Variants in COL13A1 observed in about 807,000 individuals in gnomAD.
The protein encoded by COL13A1 is collagen alpha-1(XIII) chain.
COL13A1 carries 89 observed loss-of-function variants against 130.9 expected under a neutral mutation model. The observed-to-expected ratio is 0.68, with a 90% CI of 0.57 to 0.81. The LOEUF (loss-of-function observed/expected upper bound fraction) is 0.81, where lower values mean the gene tolerates loss of function less well. Ranked by LOEUF, COL13A1 falls within the 30% of genes least tolerant of loss-of-function variation. COL13A1 has a pLI of 0.00. For missense variants in COL13A1, 879 were observed against 934.6 expected (o/e 0.94, Z 0.78); for synonymous variants, 402 against 341.6 (o/e 1.18, Z -1.95).
chr10:69,945,483 G>A (rs542214671), intron 36 of COL13A1, among the ~76,000 whole-genome samples, 188 bp from the exon 37 acceptor site: 2 of 152,162 alleles, frequency 1.3e-5, no homozygotes, highest in South Asian at 2.1e-4. Flanking sequence ...AGTGAGGGGG[G>A]CTTCTGAGCC....
chr10:69,917,013 G>A (rs752038000), intron 17 of COL13A1, among the ~76,000 whole-genome samples: 2 of 152,134 alleles, frequency 1.3e-5, no homozygotes, highest in Non-Finnish European at 2.9e-5. Context: ...TAGATCTTGG[G>A]CCAGTCACTT....
intron 24 of COL13A1, 137 bp downstream of exon 24, chr10:69,923,992 G>T: frequency 8.0e-7 from 1 of 1,243,812 alleles, no homozygotes; most frequent in Non-Finnish European, 1.1e-6. Context: ...CTAATTCCTG[G>T]TTGGCTTGGG....
Position 69,875,075 on chromosome 10 carries a change from A to C in COL13A1, c.400-53A>C. 4.3e-6 allele frequency: 7 copies of C among 1,613,298 alleles called. No homozygotes were observed. In the South Asian group the frequency reaches 6.6e-5, roughly 15 times the overall value. On this transcript the variant is annotated intron_variant, in intron 4 of 40. Transcript: ENST00000645393. ...ACAGTTTGCCTATAGGGTCCTTCAC[A>C]TGCTAGCCTGGTTCCAACCACATCT...
intron 6 of COL13A1, among the ~76,000 whole-genome samples, chr10:69,878,448 C>T (rs3858157): frequency 0.015 from 2,355 of 152,226 alleles, 53 homozygotes; most frequent in African/African-American, 0.053. Context: ...GGAACATCAG[C>T]CCTGGGGGGT....
intron 5 of COL13A1, among the ~76,000 whole-genome samples, chr10:69,876,029 G>T (rs2059535642): frequency 6.6e-6 from 1 of 152,226 alleles, no homozygotes; most frequent in South Asian, 2.1e-4. Context: ...GTGTGAATTT[G>T]CTTGCCTGGT....
chr10:69,872,902 A>G (rs1248862126), intron 4 of COL13A1, among the ~76,000 whole-genome samples: 1 of 152,208 alleles, frequency 6.6e-6, no homozygotes, highest in Non-Finnish European at 1.5e-5. Context: ...GGCCCGTATC[A>G]TCACACACCA....
intron 2 of COL13A1, among the ~76,000 whole-genome samples, chr10:69,828,500 T>C (rs1273108132): frequency 6.6e-6 from 1 of 152,220 alleles, no homozygotes; most frequent in Non-Finnish European, 1.5e-5. Context: ...TTTGTCTCTC[T>C]AGCCTGATCT....
chr10:69,917,716 CA>C (rs2064103532), intron 18 of COL13A1, among the ~76,000 whole-genome samples: 2 of 121,492 alleles, frequency 1.6e-5, no homozygotes, highest in South Asian at 5.2e-4. Context: ...TCAGCTTTCA[CA>C]AAGCTGATAT....
intron 2 of COL13A1, among the ~76,000 whole-genome samples, chr10:69,835,412 C>T (rs1366200596): frequency 6.6e-6 from 1 of 152,120 alleles, no homozygotes; most frequent in Non-Finnish European, 1.5e-5. Flanking sequence ...TGCCCACTCC[C>T]TCGATGACTA....
In COL13A1 at chr10:69,813,549, G is replaced by A. The variant is rs1168448540; in HGVS notation, c.295-8820G>A. On this transcript the variant is annotated intron_variant, in intron 1 of 40. Transcript: ENST00000645393. ...CGCAGGCCCCTGTTTCATGGCCCTGGGAGTCTGTGATCAGGTGCCAAGTCC... is the reference window on the plus strand; with the variant it reads ...CGCAGGCCCCTGTTTCATGGCCCTGAGAGTCTGTGATCAGGTGCCAAGTCC... Among the ~76,000 whole-genome samples the A allele has an allele frequency of 2.0e-5, 3 of 152,132 alleles. No homozygotes were observed. The East Asian group carries it at 5.8e-4, about 29-fold the overall frequency.
At chr10:69,958,654 GA>G in intron 40 of COL13A1, 44 bp from the exon 41 acceptor site, 1 of 1,613,798 alleles carries the variant, frequency 6.2e-7, no homozygotes, top group Non-Finnish European at 8.5e-7. Flanking sequence ...AACCTCTGCA[GA>G]CCCACTGAAA....
intron 35 of COL13A1, among the ~76,000 whole-genome samples, chr10:69,943,010 A>T (rs1177439363): frequency 6.6e-6 from 1 of 152,100 alleles, no homozygotes; most frequent in Non-Finnish European, 1.5e-5. Flanking sequence ...ACCATGCCGG[A>T]CTAAATGTTG....
intron 17 of COL13A1, among the ~76,000 whole-genome samples, chr10:69,913,159 A>G (rs2063560474): frequency 1.3e-5 from 2 of 152,224 alleles, no homozygotes; most frequent in South Asian, 4.1e-4. Flanking sequence ...ACTGAGGTTA[A>G]AAAGCCAGCC....
chr10:69,866,138 T>C (rs991348204), intron 2 of COL13A1, among the ~76,000 whole-genome samples: 2 of 152,172 alleles, frequency 1.3e-5, no homozygotes, highest in African/African-American at 4.8e-5. Context: ...AGCAAACTGC[T>C]CCTCCTGCTA....
chr10:69,862,363 C>A (rs1589138460), intron 2 of COL13A1, among the ~76,000 whole-genome samples: 2 of 152,318 alleles, frequency 1.3e-5, no homozygotes, highest in East Asian at 1.9e-4. Context: ...CATGATTTGT[C>A]AACCATGCTC....
At chr10:69,946,749 T>A (rs990332352) in intron 37 of COL13A1, among the ~76,000 whole-genome samples, 1 of 152,150 alleles carries the variant, frequency 6.6e-6, no homozygotes, top group Admixed American at 6.5e-5. Context: ...GGCCAGGACC[T>A]GGGCTGGAGA....
chr10:69,837,291 T>C (rs946809650), intron 2 of COL13A1, among the ~76,000 whole-genome samples: 2 of 152,210 alleles, frequency 1.3e-5, no homozygotes, highest in Non-Finnish European at 2.9e-5. Flanking sequence ...TGGGTCTCTG[T>C]ACGGTTCTAG....
At chr10:69,841,053 A>G (rs1307580110) in intron 2 of COL13A1, among the ~76,000 whole-genome samples, 1 of 120,972 alleles carries the variant, frequency 8.3e-6, no homozygotes, top group Non-Finnish European at 1.8e-5. Context: ...ATCGGGCCCC[A>G]TCCCTCCCCA....
chr10:69,862,789 G>A (rs912786077), intron 2 of COL13A1, among the ~76,000 whole-genome samples: 5 of 152,160 alleles, frequency 3.3e-5, no homozygotes, highest in African/African-American at 1.2e-4. Context: ...AACTCTCTGG[G>A]CCTCAGGTTT....
Sources: gnomAD v4.1 joint callset for allele counts (sites outside exome capture counted in the v4.1 genomes callset) on GRCh38, gnomAD v4.1.1 for gene constraint, MANE v1.5 for transcripts, NCBI Gene and HGNC (gene_info 2026-07-23, HGNC 2026-07-21) for gene names.